SCRG1: variants seen among roughly 807,000 people sequenced by gnomAD.
SCRG1 encodes the protein scrapie-responsive protein 1.
SCRG1 carries 3 observed loss-of-function variants against 7.7 expected under a neutral mutation model. The observed-to-expected ratio is 0.39, with a 90% CI of 0.18 to 1.01. The LOEUF is 1.01. Ranked by LOEUF, SCRG1 falls within the 50% of genes least tolerant of loss-of-function variation. The pLI, the probability that SCRG1 is intolerant of heterozygous loss-of-function variation, is 0.36. For missense variants in SCRG1, 110 were observed against 117.2 expected (o/e 0.94, Z 0.28); for synonymous variants, 46 against 41.2 (o/e 1.12, Z -0.44).
upstream of SCRG1, among the ~76,000 whole-genome samples, chr4:173,401,065 C>G (rs115327182): frequency 5.9e-5 from 9 of 152,208 alleles, no homozygotes; most frequent in African/African-American, 1.9e-4. Flanking sequence ...GAGAACAACA[C>G]GTGCACACCC....
the SCRG1 span, among the ~76,000 whole-genome samples, chr4:173,479,040 C>T: frequency 6.6e-6 from 1 of 152,188 alleles, no homozygotes; most frequent in Non-Finnish European, 1.5e-5. Flanking sequence ...CACAGTAAGG[C>T]CTGGCTTGTT....
intron 1 of SCRG1, among the ~76,000 whole-genome samples, chr4:173,404,842 CTATGAG>C (rs1240761849): frequency 6.6e-6 from 1 of 152,124 alleles, no homozygotes; most frequent in African/African-American, 2.4e-5. Flanking sequence ...TCCCATTTTT[CTATGAG>C]TATATGATTC....
At chr4:173,432,778 C>T in the SCRG1 span, among the ~76,000 whole-genome samples, 1 of 152,190 alleles carries the variant, frequency 6.6e-6, no homozygotes, top group Admixed American at 6.5e-5. Context: ...CTTTGCTCTG[C>T]AGGATAATTT....
At chr4:173,432,809 A>G in the SCRG1 span, among the ~76,000 whole-genome samples, 1 of 152,212 alleles carries the variant, frequency 6.6e-6, no homozygotes, top group Non-Finnish European at 1.5e-5. Flanking sequence ...CTATATGTTT[A>G]AGGCAGCTGG....
chr4:173,476,624 C>A, the SCRG1 span, among the ~76,000 whole-genome samples: 43,150 of 151,512 alleles, frequency 0.28, 6,268 homozygotes, highest in South Asian at 0.47. Context: ...TTAATTGCAT[C>A]ATAAAGTTAA....
the SCRG1 span, among the ~76,000 whole-genome samples, chr4:173,513,737 A>T: frequency 2.6e-5 from 4 of 152,166 alleles, no homozygotes; most frequent in Admixed American, 6.6e-5. Context: ...CTCTCCCCCT[A>T]TCAGTGGAAC....
the SCRG1 span, among the ~76,000 whole-genome samples, chr4:173,417,796 G>T: frequency 6.6e-6 from 1 of 152,050 alleles, no homozygotes; most frequent in Non-Finnish European, 1.5e-5. Flanking sequence ...ACTGCAGTAG[G>T]GTGATCTTAT....
chr4:173,422,781 A>G, the SCRG1 span, among the ~76,000 whole-genome samples: 1 of 152,232 alleles, frequency 6.6e-6, no homozygotes, highest in Non-Finnish European at 1.5e-5. Context: ...CTATGACCAT[A>G]TATGATACCA....
At chr4:173,517,077 G>C in the SCRG1 span, among the ~76,000 whole-genome samples, 313 of 152,354 alleles carry the variant, frequency 2.1e-3, no homozygotes, top group African/African-American at 7.1e-3. Context: ...AGGACCACGA[G>C]GCTCCCGGCG....
the SCRG1 span, among the ~76,000 whole-genome samples, chr4:173,470,988 G>A: frequency 6.6e-6 from 1 of 152,152 alleles, no homozygotes; most frequent in Non-Finnish European, 1.5e-5. Context: ...GATAGAAACT[G>A]AAAATGCCAT....
the SCRG1 span, among the ~76,000 whole-genome samples, chr4:173,518,207 G>A: frequency 2.6e-5 from 4 of 152,234 alleles, no homozygotes; most frequent in East Asian, 7.7e-4. Context: ...AATGGGTGGG[G>A]CCTGGAAATC....
intron 2 of SCRG1, among the ~76,000 whole-genome samples, chr4:173,390,465 G>A (rs919197640): frequency 1.4e-5 from 2 of 138,554 alleles, no homozygotes; most frequent in Admixed American, 1.4e-4. Flanking sequence ...TTTTGTTGTT[G>A]TTGTTCGTTT....
the SCRG1 span, chr4:173,419,296 A>G: frequency 1.5e-6 from 1 of 659,732 alleles, no homozygotes; most frequent in South Asian, 1.9e-5. Flanking sequence ...CCTTCTCTTG[A>G]GCTACCCAAT....
At chr4:173,506,764 C>A in the SCRG1 span, among the ~76,000 whole-genome samples, 1 of 152,154 alleles carries the variant, frequency 6.6e-6, no homozygotes, top group East Asian at 1.9e-4. This position sits in a 1 kb window ranked among gnomAD's most constrained non-coding sequence, Gnocchi z 5.3. Flanking sequence ...GTTACGGTGG[C>A]GGACTCGCGA....
chr4:173,459,568 A>G, the SCRG1 span, among the ~76,000 whole-genome samples: 1 of 152,230 alleles, frequency 6.6e-6, no homozygotes, highest in African/African-American at 2.4e-5. Flanking sequence ...AACAGAAGAA[A>G]ATAAAAACGC....
At chr4:173,479,441 T>G in the SCRG1 span, among the ~76,000 whole-genome samples, 1 of 144,694 alleles carries the variant, frequency 6.9e-6, no homozygotes, top group Non-Finnish European at 1.5e-5. Flanking sequence ...GTTTGTTTTT[T>G]TGTTTTTTTT....
chr4:173,484,476 A>AAATATATTATATACATATAATATATAT, the SCRG1 span, among the ~76,000 whole-genome samples: 1 of 19,372 alleles, frequency 5.2e-5, no homozygotes, highest in African/African-American at 1.6e-4. Flanking sequence ...ATAATATATA[A>AAATATATTATATACATATAATATATAT]TATATATTAT....
chr4:173,444,063 T>A, the SCRG1 span, among the ~76,000 whole-genome samples: 3 of 149,256 alleles, frequency 2.0e-5, no homozygotes, highest in African/African-American at 7.4e-5. Flanking sequence ...GAACTCTGCC[T>A]TCCAGTTTCA....
chr4:173,428,903 T>C, the SCRG1 span, among the ~76,000 whole-genome samples: 1 of 152,238 alleles, frequency 6.6e-6, no homozygotes, highest in Non-Finnish European at 1.5e-5. Flanking sequence ...ATTCCCTTAC[T>C]CACTTTTCCA....
Sources: gnomAD v4.1 joint callset for allele counts (sites outside exome capture counted in the v4.1 genomes callset) on GRCh38, gnomAD v4.1.1 for gene constraint, Gnocchi (gnomAD v3.1) non-coding constraint, MANE v1.5 for transcripts, NCBI Gene and HGNC (gene_info 2026-07-23, HGNC 2026-07-21) for gene names.